The following PRKN variants were observed in gnomAD, a reference collection of about 807,000 sequenced individuals.
PRKN encodes E3 ubiquitin-protein ligase parkin.
A neutral mutation model predicts 59.5 loss-of-function variants in PRKN; 56 were observed. The ratio of observed to expected loss-of-function variants is 0.94; its 90% CI spans 0.76 to 1.18. The LOEUF is 1.18. PRKN is among the 50% of genes most tolerant of loss of function. The pLI is 0.00. For synonymous variants in PRKN, 250 were observed against 222.1 expected, an observed-to-expected ratio of 1.13 and a Z score of -1.12; for missense variants, 657 against 596.4, an observed-to-expected ratio of 1.10 and a Z score of -1.06.
At chr6:162,149,087 T>C (rs891092119) in intron 4 of PRKN, among the ~76,000 whole-genome samples, 5 of 152,166 alleles carry the variant, frequency 3.3e-5, no homozygotes, top group Non-Finnish European at 7.3e-5. Flanking sequence ...CGTCTGACCA[T>C]TTCTGCGGCT....
Position 162,113,777 on chromosome 6 carries a change from T to A in PRKN, c.535-59603A>T, listed in dbSNP as rs529396710. 1.4e-3 allele frequency among the ~76,000 whole-genome samples: 214 copies of A among 152,358 alleles called. 2 individuals carry two copies. Among genetic ancestry groups the A allele is most frequent in the African/African-American group, 4.9e-3 (203 of 41,580 alleles). ...GCCATTGTTTTTGGTGTTTTAGACA[T>A]GAAGTCCTTGCCCTGCCTATGTCCT... On this transcript the variant is annotated intron_variant, in intron 4 of 11. Transcript: ENST00000366898.
intron 4 of PRKN, among the ~76,000 whole-genome samples, chr6:162,090,645 C>T (rs1369035476): frequency 5.3e-5 from 8 of 152,170 alleles, no homozygotes; most frequent in African/African-American, 7.2e-5. Flanking sequence ...ATACAAGTGT[C>T]TAATTGCAAT....
At chr6:162,175,677 G>T (rs1221207978) in intron 4 of PRKN, among the ~76,000 whole-genome samples, 2 of 152,176 alleles carry the variant, frequency 1.3e-5, no homozygotes, top group Admixed American at 1.3e-4. Context: ...GCCACCACTT[G>T]ATATAGAAAG....
At chr6:161,878,841 G>C (rs1794827194) in intron 6 of PRKN, among the ~76,000 whole-genome samples, 1 of 152,132 alleles carries the variant, frequency 6.6e-6, no homozygotes, top group East Asian at 1.9e-4. Flanking sequence ...TGAAGATATG[G>C]ATGCATTTCT....
chr6:161,358,896 A>G (rs1244950480), intron 11 of PRKN, among the ~76,000 whole-genome samples: 3 of 141,588 alleles, frequency 2.1e-5, no homozygotes, highest in African/African-American at 8.0e-5. Context: ...CCGGGTTCAC[A>G]CCATTCTCCT....
chr6:161,568,739 G>A (rs757652191), intron 8 of PRKN, among the ~76,000 whole-genome samples: 2 of 152,046 alleles, frequency 1.3e-5, no homozygotes, highest in Admixed American at 6.6e-5. Flanking sequence ...ATCAAGAAAC[G>A]TATTTTTAAG....
intron 9 of PRKN, among the ~76,000 whole-genome samples, chr6:161,455,758 G>A (rs942233769): frequency 6.6e-6 from 1 of 151,604 alleles, no homozygotes; most frequent in Non-Finnish European, 1.5e-5. Context: ...AGCTACTTGG[G>A]AGGCTGAGGC....
Position 161,348,811 on chromosome 6 carries a change from C to T in PRKN, c.*1288G>A, listed in dbSNP as rs966455491. 4.8e-6 allele frequency: 1 copy of T among 210,202 alleles called. No homozygotes were observed. The highest frequency in any genetic ancestry group is 2.3e-5 in the African/African-American group (1 of 44,004). The allele number at this position is 210,202 out of a possible 1,614,324, so 13.0% of individuals were successfully genotyped here. The stretch of plus-strand genomic sequence containing the variant: ...ACAAAAGATAGTGGTTGTACTTTCT[C>T]TTCTGCGTAGTGTGGGTAAGAGCAT... On this transcript the variant is annotated 3_prime_UTR_variant, in exon 12 of 12. Coordinates refer to ENST00000366898, the MANE Select transcript of PRKN (RefSeq NM_004562.3). The surrounding 1 kb of genome is among the most constrained non-coding windows in gnomAD (Gnocchi z 4.9).
At chr6:161,767,475 C>T (rs1789476026) in intron 7 of PRKN, among the ~76,000 whole-genome samples, 1 of 151,630 alleles carries the variant, frequency 6.6e-6, no homozygotes, top group South Asian at 2.1e-4. Flanking sequence ...CAAGATCAGG[C>T]CACTGCACTC....
rs568540382 is a variant in PRKN at position 161,914,916 on chromosome 6, C to T, written c.734+58386G>A. The stretch of plus-strand genomic sequence containing the variant: ...AAGTGCTTAAGGAACTCTAGGCATT[C>T]CTAGACAGCCCAGGCTCTGAATTTA... On this transcript the variant is annotated intron_variant, in intron 6 of 11. Coordinates refer to ENST00000366898, the MANE Select transcript of PRKN (RefSeq NM_004562.3). Among the ~76,000 whole-genome samples, 9 of 152,188 alleles carry T rather than the reference C, an allele frequency of 5.9e-5. No homozygotes were observed. The East Asian group carries it at 1.7e-3, about 30-fold the overall frequency.
At chr6:161,670,687 G>C (rs1175830884) in intron 7 of PRKN, among the ~76,000 whole-genome samples, 1 of 152,118 alleles carries the variant, frequency 6.6e-6, no homozygotes, top group Non-Finnish European at 1.5e-5. Context: ...GTGGTGGCGG[G>C]TGCCTGTTGT....
intron 2 of PRKN, among the ~76,000 whole-genome samples, chr6:162,305,112 G>A (rs9456761): frequency 1.3e-5 from 2 of 151,996 alleles, no homozygotes; most frequent in African/African-American, 4.8e-5. Flanking sequence ...ACTGGGAGCA[G>A]AAGTGGAAAG....
chr6:162,574,262 G>A (rs1481133691), intron 1 of PRKN, among the ~76,000 whole-genome samples: 2 of 152,092 alleles, frequency 1.3e-5, no homozygotes, highest in Non-Finnish European at 2.9e-5. Flanking sequence ...AAATAAGAAG[G>A]GAGTATATCT....
intron 5 of PRKN, among the ~76,000 whole-genome samples, chr6:162,040,712 C>T (rs1400486897): frequency 6.6e-6 from 1 of 151,348 alleles, no homozygotes; most frequent in African/African-American, 2.4e-5. Context: ...AGCCACCATG[C>T]CTGGCCTAGA....
chr6:162,449,095 C>A (rs1194620483), intron 1 of PRKN, among the ~76,000 whole-genome samples: 1 of 152,058 alleles, frequency 6.6e-6, no homozygotes, highest in Non-Finnish European at 1.5e-5. Context: ...TCATGTTGGC[C>A]AGGCTGGTCT....
intron 2 of PRKN, among the ~76,000 whole-genome samples, chr6:162,278,921 G>C (rs965638431): frequency 1.3e-5 from 2 of 152,142 alleles, no homozygotes; most frequent in Admixed American, 1.3e-4. Context: ...GGGGACTCTG[G>C]AGAAAGGTTG....
rs531612691 is a variant in PRKN, at chr6:161,883,041, A to C, written c.734+90261T>G. Among the ~76,000 whole-genome samples, 642 of 91,510 alleles carry C rather than the reference A, an allele frequency of 7.0e-3. 10 individuals are homozygous for C. The highest frequency in any genetic ancestry group is 0.026 in the African/African-American group (607 of 23,012). The allele number at this position is 91,510 out of a possible 152,430, so 60.0% of individuals were successfully genotyped here. ...AAAACAACAACAACAACAAAAAAAA[A>C]CCAAAAAAACTCCAGGTAGGTATTT... On this transcript the variant is annotated intron_variant, in intron 6 of 11. Coordinates refer to ENST00000366898, the MANE Select transcript of PRKN (RefSeq NM_004562.3).
chr6:162,712,357 TC>T (rs1778568381), intron 1 of PRKN, among the ~76,000 whole-genome samples: 1 of 152,164 alleles, frequency 6.6e-6, no homozygotes, highest in Admixed American at 6.5e-5. Flanking sequence ...TGAAGTAATG[TC>T]TAACCCCAGA....
Position 161,424,446 on chromosome 6 carries a change from G to C in PRKN, c.1084-37569C>G, listed in dbSNP as rs763923607. On this transcript the variant is annotated intron_variant, in intron 9 of 11. Transcript: ENST00000366898. ...ATGGCTCCACAGAAGGGGCAAAGAG[G>C]AAGGCTTTTATGGAGTGAACTCAGA... Among the ~76,000 whole-genome samples, 5 of 152,052 alleles carry C rather than the reference G, an allele frequency of 3.3e-5. No individual in the cohort carries two copies. The East Asian group carries it at 9.6e-4, about 29-fold the overall frequency.
Sources: gnomAD v4.1 joint callset for allele counts (sites outside exome capture counted in the v4.1 genomes callset) on GRCh38, gnomAD v4.1.1 for gene constraint, Gnocchi (gnomAD v3.1) non-coding constraint, MANE v1.5 for transcripts, NCBI Gene and HGNC (gene_info 2026-07-23, HGNC 2026-07-21) for gene names.